The following FGF14 variants were observed in gnomAD, a reference collection of about 807,000 sequenced individuals.
The protein encoded by FGF14 is fibroblast growth factor homologous factor 4.
A neutral mutation model predicts 25.5 loss-of-function variants in FGF14; 5 were observed. The ratio of observed to expected loss-of-function variants is 0.20; its 90% CI spans 0.10 to 0.41. The LOEUF is 0.41. FGF14 is among the 10% of genes least tolerant of loss of function. The probability of loss-of-function intolerance (pLI) is 1.00; values close to 1 mark genes in which losing one functional copy is unlikely to be tolerated. For missense variants in FGF14, 222 were observed against 320.1 expected (o/e 0.69, Z 2.34); for synonymous variants, 138 against 118.3 (o/e 1.17, Z -1.08).
Position 101,714,774 on chromosome 13 carries a change from A to T in FGF14, c.*8057T>A. 1 of 531,394 alleles carries T rather than the reference A, an allele frequency of 1.9e-6. No homozygotes were observed. Among genetic ancestry groups the T allele is most frequent in the East Asian group, 3.0e-5 (1 of 32,882 alleles). The allele number at this position is 531,394 out of a possible 1,614,324, so 32.9% of individuals were successfully genotyped here. On this transcript the variant is annotated 3_prime_UTR_variant, in exon 5 of 5. Transcript: ENST00000376143. ...GAGAATGAAGCTAAATTTTGTGATT[A>T]TTTGGGATCCTTCCACAAAGTAACC...
rs567714437 is a variant in FGF14 at position 101,735,399 on chromosome 13, G to A, written c.409-8589C>T. On this transcript the variant is annotated intron_variant, in intron 3 of 4. Transcript: ENST00000376143. ...CAGATAAAAAAATATATAGATGAAAGCAGTAAGGAATTATATAGCCTATCA... is the reference window on the plus strand; with the variant it reads ...CAGATAAAAAAATATATAGATGAAAACAGTAAGGAATTATATAGCCTATCA... 4.6e-5 allele frequency among the ~76,000 whole-genome samples: 7 copies of A among 152,190 alleles called. No individual in the cohort carries two copies. The East Asian group carries it at 1.4e-3, about 29-fold the overall frequency.
intron 1 of FGF14, among the ~76,000 whole-genome samples, chr13:101,994,476 C>T (rs902943739): frequency 6.6e-6 from 1 of 151,926 alleles, no homozygotes; most frequent in African/African-American, 2.4e-5. Flanking sequence ...TTCAAATTTA[C>T]AAATAACAAG....
chr13:102,161,703 GAA>G (rs2047772600), intron 1 of FGF14, among the ~76,000 whole-genome samples: 1 of 148,200 alleles, frequency 6.7e-6, no homozygotes, highest in Non-Finnish European at 1.5e-5. Flanking sequence ...AGAAGAAGAA[GAA>G]GAAGAAGAAG....
chr13:102,191,594 T>A (rs2124988), intron 1 of FGF14, among the ~76,000 whole-genome samples: 23,203 of 152,132 alleles, frequency 0.15, 1,951 homozygotes, highest in Non-Finnish European at 0.19. Context: ...TATTAACATA[T>A]AACTTTGAGT....
At chr13:101,805,750 A>G (rs1026915788) in intron 3 of FGF14, among the ~76,000 whole-genome samples, 2 of 152,170 alleles carry the variant, frequency 1.3e-5, no homozygotes, top group Non-Finnish European at 2.9e-5. Context: ...TCCCACAAGC[A>G]GGTTAACTTC....
chr13:102,198,902 A>G (rs1217367547), intron 1 of FGF14, among the ~76,000 whole-genome samples: 1 of 152,204 alleles, frequency 6.6e-6, no homozygotes, highest in Non-Finnish European at 1.5e-5. Context: ...GAACAAATGG[A>G]AAGTGCTTAC....
intron 3 of FGF14, among the ~76,000 whole-genome samples, chr13:101,751,397 G>T (rs917879874): frequency 9.9e-5 from 15 of 152,134 alleles, no homozygotes; most frequent in Non-Finnish European, 1.9e-4. Context: ...AATTAAAAGA[G>T]AAATTTGACT....
Position 102,061,159 on chromosome 13 carries a change from G to A in FGF14, c.209-185863C>T, listed in dbSNP as rs144633665. Among the ~76,000 whole-genome samples the A allele has an allele frequency of 5.3e-3, 805 of 152,314 alleles. 1 individual carries two copies. The highest frequency in any genetic ancestry group is 0.017 in the Middle Eastern group (5 of 294). On this transcript the variant is annotated intron_variant, in intron 1 of 4. Transcript: ENST00000376131. Reference sequence around the variant, plus strand: ...TTGCACTCATTCTCCAAGCCCTTATGTGACCCGATTTTTCCAGTACACAAG... The same window carrying A: ...TTGCACTCATTCTCCAAGCCCTTATATGACCCGATTTTTCCAGTACACAAG...
intron 1 of FGF14, among the ~76,000 whole-genome samples, chr13:102,369,862 T>C (rs2057824257): frequency 1.3e-5 from 2 of 152,382 alleles, no homozygotes; most frequent in African/African-American, 4.8e-5. Context: ...GCATTACTGC[T>C]TGTTGCTTCT....
Position 101,735,370 on chromosome 13 carries a change from C to T in FGF14, c.409-8560G>A, listed in dbSNP as rs1175698630. Among the ~76,000 whole-genome samples the T allele has an allele frequency of 2.6e-5, 4 of 151,892 alleles. No homozygotes were observed. In the East Asian group the frequency reaches 7.7e-4, roughly 29 times the overall value. On this transcript the variant is annotated intron_variant, in intron 3 of 4. Coordinates refer to ENST00000376143, the MANE Select transcript of FGF14 (RefSeq NM_004115.4). Reference sequence around the variant, plus strand: ...CTGCTGATTTTTATCTACCTCTATACCTACAGATAAAAAAATATATAGATG... The same window carrying T: ...CTGCTGATTTTTATCTACCTCTATATCTACAGATAAAAAAATATATAGATG...
intron 1 of FGF14, among the ~76,000 whole-genome samples, chr13:101,961,071 A>G (rs2036826331): frequency 6.6e-6 from 1 of 152,002 alleles, no homozygotes; most frequent in Non-Finnish European, 1.5e-5. Flanking sequence ...AGTTCCTTGT[A>G]CATTCTGGAT....
At chr13:102,162,442 A>T (rs763450786) in intron 1 of FGF14, among the ~76,000 whole-genome samples, 59 of 152,334 alleles carry the variant, frequency 3.9e-4, no homozygotes, top group Non-Finnish European at 6.5e-4. Flanking sequence ...CATCACATTT[A>T]AAAAATCAAT....
At chr13:102,349,525 G>C (rs550453023) in intron 1 of FGF14, among the ~76,000 whole-genome samples, 1 of 152,294 alleles carries the variant, frequency 6.6e-6, no homozygotes, top group East Asian at 1.9e-4. Flanking sequence ...TGTTGAACAA[G>C]CATATTAAGA....
intron 3 of FGF14, among the ~76,000 whole-genome samples, chr13:101,759,900 T>C (rs2037904864): frequency 6.6e-6 from 1 of 152,194 alleles, no homozygotes; most frequent in African/African-American, 2.4e-5. Flanking sequence ...TTTCAGAGGC[T>C]GTTTCCCTCT....
chr13:102,227,922 T>C (rs1177495805), intron 1 of FGF14, among the ~76,000 whole-genome samples: 1 of 152,150 alleles, frequency 6.6e-6, no homozygotes. Context: ...ATATATTGCA[T>C]GCACCACATT....
At chr13:102,311,647 C>T (rs1259225410) in intron 1 of FGF14, among the ~76,000 whole-genome samples, 1 of 152,044 alleles carries the variant, frequency 6.6e-6, no homozygotes, top group Non-Finnish European at 1.5e-5. Context: ...AAGGGTCAGG[C>T]AAAGCAAAGG....
Position 102,390,939 on chromosome 13 carries a change from T to A in FGF14, c.208+10532A>T, listed in dbSNP as rs527679570. Among the ~76,000 whole-genome samples, 227 of 152,346 alleles carry A rather than the reference T, an allele frequency of 1.5e-3. 1 individual carries two copies. In the Middle Eastern group the frequency reaches 0.02, roughly 14 times the overall value. On this transcript the variant is annotated intron_variant, in intron 1 of 4. Coordinates refer to the FGF14 transcript ENST00000376131. Reference sequence around the variant, plus strand: ...AGATCCACATCACCGTTCTTTTACATGTTAATTTGAAGTACAGAAAGAAAA... The same window carrying A: ...AGATCCACATCACCGTTCTTTTACAAGTTAATTTGAAGTACAGAAAGAAAA...
At chr13:101,728,688 T>C (rs1385980562) in intron 3 of FGF14, among the ~76,000 whole-genome samples, 3 of 152,130 alleles carry the variant, frequency 2.0e-5, no homozygotes, top group Non-Finnish European at 4.4e-5. Flanking sequence ...CCTAAGCATA[T>C]TGCTTACCAG....
At chr13:102,390,975 G>A (rs373248210) in intron 1 of FGF14, among the ~76,000 whole-genome samples, 5 of 152,150 alleles carry the variant, frequency 3.3e-5, no homozygotes, top group East Asian at 1.9e-4. Flanking sequence ...AACTTAAGCC[G>A]AATAAATATC....
Sources: allele counts gnomAD v4.1 joint callset (sites outside exome capture counted in the v4.1 genomes callset), GRCh38; gene constraint gnomAD v4.1.1; transcripts MANE v1.5; gene names NCBI Gene and HGNC (gene_info 2026-07-23, HGNC 2026-07-21).